The following SORBS2 variants were observed in gnomAD, a reference collection of about 807,000 sequenced individuals.
SORBS2 encodes the protein sorbin and SH3 domain-containing protein 2.
In SORBS2, 46 loss-of-function variants were observed where a neutral mutation model predicts 97.7. The ratio of observed to expected loss-of-function variants is 0.47; its 90% confidence interval spans 0.37 to 0.60. The LOEUF (loss-of-function observed/expected upper bound fraction) is 0.60, where lower values mean the gene tolerates loss of function less well. Ranked by LOEUF, SORBS2 falls within the 20% of genes least tolerant of loss-of-function variation. The pLI is 0.00. For synonymous variants in SORBS2, 476 were observed against 473.4 expected (o/e 1.01, Z -0.07); for missense variants, 1,316 against 1,282.3 (o/e 1.03, Z -0.40).
intron 1 of SORBS2, among the ~76,000 whole-genome samples, chr4:185,819,673 A>C (rs1039077446): frequency 1.3e-5 from 2 of 152,078 alleles, no homozygotes; most frequent in Non-Finnish European, 2.9e-5. Flanking sequence ...CTGGCTGGTC[A>C]CCTGTCAGTG....
intron 1 of SORBS2, among the ~76,000 whole-genome samples, chr4:185,851,803 C>G (rs373538637): frequency 9.9e-5 from 15 of 152,250 alleles, no homozygotes; most frequent in African/African-American, 3.6e-4. Flanking sequence ...TTCCTGCCCT[C>G]GAACATCAGA....
intron 1 of SORBS2, among the ~76,000 whole-genome samples, chr4:185,922,385 G>C (rs2149926936): frequency 6.6e-6 from 1 of 152,228 alleles, no homozygotes; most frequent in Admixed American, 6.5e-5. Context: ...CTCTGGCTTT[G>C]GCACTGAGCA....
At chr4:185,594,079 C>T in intron 12 of SORBS2, 144 bp from the exon 25 acceptor site, 1 of 614,548 alleles carries the variant, frequency 1.6e-6, no homozygotes, top group Non-Finnish European at 2.9e-6. Context: ...CAAATAAAAG[C>T]TTTCTGCAGG....
chr4:185,804,026 C>A (rs1472343894), intron 1 of SORBS2, among the ~76,000 whole-genome samples: 1 of 152,096 alleles, frequency 6.6e-6, no homozygotes, highest in Non-Finnish European at 1.5e-5. Flanking sequence ...TTAAATGAGC[C>A]AAATCATTTT....
chr4:185,924,513 C>A (rs977952920), intron 1 of SORBS2, among the ~76,000 whole-genome samples: 1 of 152,230 alleles, frequency 6.6e-6, no homozygotes, highest in Admixed American at 6.5e-5. Flanking sequence ...ACTGGGTCCA[C>A]CCAAACAAGG....
chr4:185,624,735 CTG>C (rs1301922227), intron 6 of SORBS2, among the ~76,000 whole-genome samples: 2 of 152,190 alleles, frequency 1.3e-5, no homozygotes, highest in African/African-American at 2.4e-5. Flanking sequence ...GTTGACAAAA[CTG>C]TGTATAAGAA....
At chr4:185,881,434 G>T (rs2099236825) in intron 1 of SORBS2, among the ~76,000 whole-genome samples, 2 of 152,126 alleles carry the variant, frequency 1.3e-5, no homozygotes, top group Non-Finnish European at 1.5e-5. Context: ...CAGAATAATT[G>T]ACACCAAAAT....
At chr4:185,589,613 C>T (rs1321095375) in intron 14 of SORBS2, 66 bp downstream of exon 26, 16 of 899,428 alleles carry the variant, frequency 1.8e-5, no homozygotes, top group Middle Eastern at 2.1e-4. Flanking sequence ...CAGCAAACCA[C>T]GGGAGTGAGC....
chr4:185,913,711 A>AT (rs1240389373), intron 1 of SORBS2, among the ~76,000 whole-genome samples: 1 of 152,154 alleles, frequency 6.6e-6, no homozygotes. Flanking sequence ...TCTCTTTGAG[A>AT]TTTTAAAACT....
intron 4 of SORBS2, among the ~76,000 whole-genome samples, chr4:185,674,038 T>A (rs767445046): frequency 9.9e-5 from 15 of 152,168 alleles, no homozygotes; most frequent in Non-Finnish European, 2.2e-4. Context: ...CTTTTCTCTG[T>A]CCTTCCCCTG....
At chr4:185,906,325 G>T (rs567718006) in intron 1 of SORBS2, among the ~76,000 whole-genome samples, 1 of 152,148 alleles carries the variant, frequency 6.6e-6, no homozygotes, top group Admixed American at 6.5e-5. Flanking sequence ...GAGCCACCAC[G>T]CCTGGCCTGT....
At chr4:185,746,855 C>T (rs2098764228) in intron 2 of SORBS2, among the ~76,000 whole-genome samples, 1 of 152,322 alleles carries the variant, frequency 6.6e-6, no homozygotes, top group South Asian at 2.1e-4. Flanking sequence ...CTGAATTGTG[C>T]CCTCTTAAAT....
chr4:185,746,986 A>G (rs540972011), intron 2 of SORBS2, among the ~76,000 whole-genome samples: 1 of 152,298 alleles, frequency 6.6e-6, no homozygotes, highest in Admixed American at 6.5e-5. Context: ...CCTTAATCCA[A>G]TCTAGCTGGT....
chr4:185,913,570 A>G (rs2099256499), intron 1 of SORBS2, among the ~76,000 whole-genome samples: 1 of 152,190 alleles, frequency 6.6e-6, no homozygotes, highest in Admixed American at 6.5e-5. Flanking sequence ...GTCACTTCCT[A>G]TTAAACATTT....
At chr4:185,706,373 A>G (rs1157694325) in intron 2 of SORBS2, among the ~76,000 whole-genome samples, 1 of 152,024 alleles carries the variant, frequency 6.6e-6, no homozygotes, top group African/African-American at 2.4e-5. Context: ...CAAACCCTTG[A>G]CTCTTTTCTC....
At chr4:185,833,811 T>C (rs1297589427) in intron 1 of SORBS2, among the ~76,000 whole-genome samples, 1 of 152,220 alleles carries the variant, frequency 6.6e-6, no homozygotes, top group East Asian at 1.9e-4. Flanking sequence ...TGTAATAAAA[T>C]GCAACACTAC....
chr4:185,666,925 TA>T (rs1056156936), intron 4 of SORBS2, among the ~76,000 whole-genome samples: 5 of 152,010 alleles, frequency 3.3e-5, no homozygotes, highest in African/African-American at 1.2e-4. Context: ...GAAGGAAAAA[TA>T]AAAGATTTAA....
chr4:185,948,849 T>C (rs779234457), intron 1 of SORBS2, among the ~76,000 whole-genome samples: 3 of 152,174 alleles, frequency 2.0e-5, no homozygotes, highest in Non-Finnish European at 4.4e-5. Context: ...TGTTATTTTT[T>C]TCTTTTGTAC....
chr4:185,700,560 ATAAC>A (rs1436655690), intron 2 of SORBS2, among the ~76,000 whole-genome samples: 1 of 152,238 alleles, frequency 6.6e-6, no homozygotes, highest in East Asian at 1.9e-4. Flanking sequence ...AGATGTATAA[ATAAC>A]AGTTGCAGCT....
Sources: allele counts gnomAD v4.1 joint callset (sites outside exome capture counted in the v4.1 genomes callset), GRCh38; gene constraint gnomAD v4.1.1; transcripts MANE v1.5; gene names NCBI Gene and HGNC (gene_info 2026-07-23, HGNC 2026-07-21).